The following IL34 variants were observed in gnomAD, a reference collection of about 807,000 sequenced individuals.
IL34 encodes interleukin 34, also known as interleukin-34.
In IL34, 17 loss-of-function variants were observed where a neutral mutation model predicts 25.3. The observed-to-expected ratio is 0.67, with a 90% CI of 0.46 to 1.01. IL34 has a LOEUF of 1.01. IL34 is among the 50% of genes least tolerant of loss of function. IL34 has a pLI of 0.00. For synonymous variants in IL34, 174 were observed against 140.9 expected (o/e 1.23, Z -1.66); for missense variants, 368 against 312.9 (o/e 1.18, Z -1.33).
chr16:70,657,375 C>T (rs957038445), intron 4 of IL34: 1 of 456,774 alleles, frequency 2.2e-6, no homozygotes, highest in Middle Eastern at 6.0e-4. Context: ...TAGGCTCTGC[C>T]TCTCTCCCTC....
intron 1 of IL34, among the ~76,000 whole-genome samples, chr16:70,638,908 C>G (rs1314691815): frequency 6.6e-6 from 1 of 152,068 alleles, no homozygotes; most frequent in East Asian, 1.9e-4. Context: ...AACAAATAAA[C>G]TGGTTTAAGT....
At chr16:70,604,401 T>G (rs887335310) in intron 1 of IL34, among the ~76,000 whole-genome samples, 15 of 152,166 alleles carry the variant, frequency 9.9e-5, no homozygotes, top group African/African-American at 3.4e-4. Context: ...GTTCCATTTT[T>G]CAGATGAGTA....
intron 1 of IL34, among the ~76,000 whole-genome samples, chr16:70,614,602 G>A (rs1413288126): frequency 6.6e-6 from 1 of 152,206 alleles, no homozygotes; most frequent in Non-Finnish European, 1.5e-5. Flanking sequence ...GCACACACTT[G>A]CCTTTCACAG....
upstream of IL34, among the ~76,000 whole-genome samples, chr16:70,644,920 G>GGAGGAGGAAGGAGGAA (rs368304071): frequency 8.4e-5 from 5 of 59,616 alleles, no homozygotes; most frequent in East Asian, 8.5e-4. Flanking sequence ...GGGAGGAGAA[G>GGAGGAGGAAGGAGGAA]GAGGAGGAAG....
chr16:70,594,955 CTT>C (rs113922793), intron 1 of IL34, among the ~76,000 whole-genome samples: 59 of 124,874 alleles, frequency 4.7e-4, no homozygotes, highest in African/African-American at 1.6e-3. Flanking sequence ...CTCTCTCTCT[CTT>C]TTTTTTTTTT....
chr16:70,624,080 G>C (rs1390525064), intron 1 of IL34, among the ~76,000 whole-genome samples: 1 of 152,164 alleles, frequency 6.6e-6, no homozygotes, highest in Non-Finnish European at 1.5e-5. Context: ...GAAGGAGTCA[G>C]TCAGAGAGCC....
At chr16:70,638,339 C>T (rs2051703075) in intron 1 of IL34, among the ~76,000 whole-genome samples, 1 of 151,814 alleles carries the variant, frequency 6.6e-6, no homozygotes, top group Non-Finnish European at 1.5e-5. Flanking sequence ...CTTAGCTAGG[C>T]ATGGTGGTGC....
upstream of IL34, among the ~76,000 whole-genome samples, chr16:70,644,630 CA>C (rs2051862979): frequency 6.7e-6 from 1 of 148,904 alleles, no homozygotes; most frequent in South Asian, 2.1e-4. Flanking sequence ...AAACTAATGA[CA>C]ACTAAATGTT....
chr16:70,594,055 A>G (rs2050787166), intron 1 of IL34, among the ~76,000 whole-genome samples: 1 of 152,214 alleles, frequency 6.6e-6, no homozygotes, highest in African/African-American at 2.4e-5. Flanking sequence ...TCTTGAAGTC[A>G]GGGAGTGTCA....
At chr16:70,626,958 C>T (rs1359982658) in intron 1 of IL34, among the ~76,000 whole-genome samples, 1 of 151,862 alleles carries the variant, frequency 6.6e-6, no homozygotes, top group Non-Finnish European at 1.5e-5. Context: ...TTCAAGTTCC[C>T]ACTGTTTTGT....
rs573459862 is a variant in IL34, at chr16:70,631,976, C to G, written c.-400-14572C>G. ...ATTAGCTGAGTGTGCTGTTGTGTACCTGTAATCCCAGCTACTTGGGAGGCT... is the reference window on the plus strand; with the variant it reads ...ATTAGCTGAGTGTGCTGTTGTGTACGTGTAATCCCAGCTACTTGGGAGGCT... On this transcript the variant is annotated intron_variant, in intron 1 of 6. Coordinates refer to the IL34 transcript ENST00000429149. 2.0e-5 allele frequency among the ~76,000 whole-genome samples: 3 copies of G among 152,100 alleles called. No homozygotes were observed. The East Asian group carries it at 5.8e-4, about 29-fold the overall frequency.
At chr16:70,634,679 C>CAA (rs35353668) in intron 1 of IL34, among the ~76,000 whole-genome samples, 15 of 117,852 alleles carry the variant, frequency 1.3e-4, no homozygotes, top group African/African-American at 1.9e-4. Flanking sequence ...GATTCCGAAT[C>CAA]AAAAAAAAAA....
chr16:70,612,429 T>A (rs2051104935), intron 1 of IL34, among the ~76,000 whole-genome samples: 1 of 152,076 alleles, frequency 6.6e-6, no homozygotes, highest in Non-Finnish European at 1.5e-5. Flanking sequence ...CTGTGGTTCA[T>A]CCAAGGCTGT....
chr16:70,599,736 G>A (rs1169211982), intron 1 of IL34, among the ~76,000 whole-genome samples: 2 of 149,710 alleles, frequency 1.3e-5, no homozygotes, highest in Non-Finnish European at 3.0e-5. Context: ...GTATAGTGGT[G>A]TGATCACAGC....
chr16:70,623,051 G>A (rs1440787833), intron 1 of IL34, among the ~76,000 whole-genome samples: 1 of 152,016 alleles, frequency 6.6e-6, no homozygotes, highest in Non-Finnish European at 1.5e-5. Flanking sequence ...AATCGGACAC[G>A]AGCAGCAGGG....
At chr16:70,595,081 A>C (rs1291966555) in intron 1 of IL34, among the ~76,000 whole-genome samples, 1 of 151,316 alleles carries the variant, frequency 6.6e-6, no homozygotes, top group Non-Finnish European at 1.5e-5. Flanking sequence ...CAGGCTCCCA[A>C]GTAGCTGGGG....
chr16:70,648,661 G>A (rs553165765), intron 1 of IL34, among the ~76,000 whole-genome samples: 67 of 152,082 alleles, frequency 4.4e-4, no homozygotes, highest in Non-Finnish European at 8.2e-4. Context: ...GCAAAGACTG[G>A]CTGGGGGATG....
At position 70,613,442 on chromosome 16, in the gene IL34, C is replaced by T. The variant is rs551380698; in HGVS notation, c.-400-33106C>T. 2.2e-4 allele frequency among the ~76,000 whole-genome samples: 34 copies of T among 152,320 alleles called. No individual in the cohort carries two copies. The Middle Eastern group carries it at 0.027, about 122-fold the overall frequency. Reference sequence around the variant, plus strand: ...GTCTCCACCCTTACTGTACAAGTGCCCTTGGCAAGTCACTTACCTTTTCCA... The same window carrying T: ...GTCTCCACCCTTACTGTACAAGTGCTCTTGGCAAGTCACTTACCTTTTCCA... On this transcript the variant is annotated intron_variant, in intron 1 of 6. Transcript: ENST00000429149.
chr16:70,657,670 G>A (rs1179829109), intron 4 of IL34, among the ~76,000 whole-genome samples: 1 of 152,136 alleles, frequency 6.6e-6, no homozygotes, highest in Non-Finnish European at 1.5e-5. Context: ...AGCTACTCAG[G>A]AGGCTGAGGC....
Sources: allele counts gnomAD v4.1 joint callset (sites outside exome capture counted in the v4.1 genomes callset), GRCh38; gene constraint gnomAD v4.1.1; transcripts MANE v1.5; gene names NCBI Gene and HGNC (gene_info 2026-07-23, HGNC 2026-07-21).